Variants in HIPK1 observed in about 807,000 individuals in gnomAD.
The protein encoded by HIPK1 is homeodomain-interacting protein kinase 1.
In HIPK1, 28 loss-of-function variants were observed where a neutral mutation model predicts 117.1. The ratio of observed to expected loss-of-function variants is 0.24; its 90% CI spans 0.18 to 0.33. The LOEUF (loss-of-function observed/expected upper bound fraction) is 0.33. Ranked by LOEUF, HIPK1 falls within the 10% of genes least tolerant of loss-of-function variation. The pLI, the probability that HIPK1 is intolerant of heterozygous loss-of-function variation, is 1.00. For missense variants in HIPK1, 1,122 were observed against 1,475.1 expected (o/e 0.76, Z 3.92); for synonymous variants, 605 against 562.5 (o/e 1.08, Z -1.07).
In HIPK1 at chr1:113,970,193, C is replaced by A; in HGVS notation, c.3009C>A (p.Ala1003=). Residue 1003 remains alanine (A), a synonymous_variant, in exon 14 of 16, where the codon GCC becomes GCA. Coordinates refer to ENST00000426820, the MANE Select transcript of HIPK1 (RefSeq NM_198268.3). The part of the protein sequence containing the change: ...QLGDCTVATQ[A]SGLLSNKTKP... ...GTGACTGCACTGTAGCAACCCAGGCCTCAGGTCAGTGTTATCTTCACAGCT... is the reference window on the plus strand; with the variant it reads ...GTGACTGCACTGTAGCAACCCAGGCATCAGGTCAGTGTTATCTTCACAGCT... 1.2e-6 allele frequency: 2 copies of A among 1,614,114 alleles called. No homozygotes were observed. The highest frequency in any genetic ancestry group is 1.7e-6 in the Non-Finnish European group (2 of 1,179,994).
At chr1:113,963,930 A>G (rs575100555) in intron 10 of HIPK1, among the ~76,000 whole-genome samples, 1 of 152,220 alleles carries the variant, frequency 6.6e-6, no homozygotes, top group Non-Finnish European at 1.5e-5. Context: ...GCTCAGCTAC[A>G]GGTACCCGGA....
rs1263485615 is a variant in HIPK1 at position 113,976,649 on chromosome 1, T to A, written c.*3137T>A. 1 of 152,786 alleles carries A rather than the reference T, an allele frequency of 6.5e-6. No homozygotes were observed. Among genetic ancestry groups the A allele is most frequent in the Non-Finnish European group, 1.5e-5 (1 of 68,050 alleles). The allele number at this position is 152,786 out of a possible 1,614,324, so 9.5% of individuals were successfully genotyped here. ...AACTGGCATTTCCGATTTTCCAGCATAAAAATCCACCTGTGTCTGCTGAAT... is the reference window on the plus strand; with the variant it reads ...AACTGGCATTTCCGATTTTCCAGCAAAAAAATCCACCTGTGTCTGCTGAAT... On this transcript the variant is annotated 3_prime_UTR_variant, in exon 16 of 16. Coordinates refer to ENST00000426820, the MANE Select transcript of HIPK1 (RefSeq NM_198268.3).
intron 9 of HIPK1, among the ~76,000 whole-genome samples, chr1:113,962,865 G>A: frequency 6.6e-6 from 1 of 152,098 alleles, no homozygotes; most frequent in African/African-American, 2.4e-5. Flanking sequence ...ACAGTTGAGA[G>A]GCTGGATCAC....
Position 113,929,445 on chromosome 1 carries a change from GC to G in HIPK1, c.-87del. 1 of 1,289,382 alleles carries G rather than the reference GC, an allele frequency of 7.8e-7. No individual in the cohort carries two copies. Among genetic ancestry groups the G allele is most frequent in the African/African-American group, 1.5e-5 (1 of 65,960 alleles). The allele number at this position is 1,289,382 out of a possible 1,614,324, so 79.9% of individuals were successfully genotyped here. The stretch of plus-strand genomic sequence containing the variant: ...CGATCCACGCTGGCTCCCTACGGAG[GC>G]CCACCTACTCGAGGCCCACCGACTC... On this transcript the variant is annotated 5_prime_UTR_variant, in exon 1 of 16. Coordinates refer to ENST00000426820, the MANE Select transcript of HIPK1 (RefSeq NM_198268.3).
At chr1:113,934,929 C>T (rs1670154264) in intron 1 of HIPK1, among the ~76,000 whole-genome samples, 1 of 135,946 alleles carries the variant, frequency 7.4e-6, no homozygotes, top group Non-Finnish European at 1.5e-5. Context: ...TTCGAGGATA[C>T]AGTGAGCTGT....
In HIPK1 at chr1:113,966,207, C is replaced by A; in HGVS notation, c.2316C>A (p.Asn772Lys). 1 of 1,614,174 alleles carries A rather than the reference C, an allele frequency of 6.2e-7. No homozygotes were observed. Among genetic ancestry groups the A allele is most frequent in the Non-Finnish European group, 8.5e-7 (1 of 1,180,012 alleles). ...WQQLPGVALH[N>K]SVQPTAMIPE... The stretch of plus-strand genomic sequence containing the variant: ...AGTTGCCTGGGGTAGCTCTACACAA[C>A]TCTGTCCAGCCCACAGCAATGATTC... Residue 772 changes from asparagine (N) to lysine (K), a missense_variant, in exon 11 of 16, where the codon AAC becomes AAA. Transcript: ENST00000426820.
At chr1:113,953,019 A>G in intron 3 of HIPK1, 130 bp downstream of exon 3, 1 of 800,918 alleles carries the variant, frequency 1.2e-6, no homozygotes, top group South Asian at 5.1e-5. Flanking sequence ...ATTGCTACTA[A>G]AGAACTTTTT....
intron 13 of HIPK1, among the ~76,000 whole-genome samples, chr1:113,969,093 G>T (rs898219951): frequency 6.6e-6 from 1 of 152,228 alleles, no homozygotes; most frequent in Non-Finnish European, 1.5e-5. Context: ...GGGGCTTTTG[G>T]TGTTGGGCAT....
intron 1 of HIPK1, among the ~76,000 whole-genome samples, chr1:113,939,004 G>C (rs1670464408): frequency 6.7e-6 from 1 of 150,202 alleles, no homozygotes; most frequent in African/African-American, 2.5e-5. Context: ...AGATGTGGAG[G>C]AATAAGGGAG....
intron 1 of HIPK1, 52 bp downstream of exon 1, chr1:113,929,584 C>G: frequency 8.0e-7 from 1 of 1,246,706 alleles, no homozygotes; most frequent in Non-Finnish European, 1.0e-6. Flanking sequence ...GCGGGGCCGG[C>G]CGGGTTGAGG....
At chr1:113,957,337 G>T (rs1671791263) in intron 7 of HIPK1, 51 bp downstream of exon 7, 1 of 1,461,578 alleles carries the variant, frequency 6.8e-7, no homozygotes, top group African/African-American at 1.4e-5. Flanking sequence ...ATAGAAACTA[G>T]TAAGAATACA....
intron 2 of HIPK1, among the ~76,000 whole-genome samples, chr1:113,947,912 A>T (rs1331285425): frequency 6.6e-6 from 1 of 152,142 alleles, no homozygotes; most frequent in Admixed American, 6.5e-5. Flanking sequence ...TTTACTGCCC[A>T]GTTGTTGGAA....
chr1:113,974,775 T>C lies in HIPK1; in HGVS notation c.*1263T>C, dbSNP rs1356798425. ...TTTTAATATTTTACATAATTAAATA[T>C]GTACATATTGATTAGAAAAATATAA... On this transcript the variant is annotated 3_prime_UTR_variant, in exon 16 of 16. Coordinates refer to ENST00000426820, the MANE Select transcript of HIPK1 (RefSeq NM_198268.3). 1.3e-5 allele frequency: 2 copies of C among 152,682 alleles called. No homozygotes were observed. Among genetic ancestry groups the C allele is most frequent in the African/African-American group, 4.8e-5 (2 of 41,466 alleles). 9.5% of individuals were successfully genotyped at this position (152,682 alleles called of 1,614,324 possible).
intron 2 of HIPK1, among the ~76,000 whole-genome samples, chr1:113,944,173 T>TTG (rs897025626): frequency 1.5e-5 from 2 of 132,530 alleles, no homozygotes; most frequent in South Asian, 2.7e-4. Flanking sequence ...TTTTTTTTTT[T>TTG]TTTTTTTTTT....
In HIPK1 at chr1:113,975,682, C is replaced by T. The variant is rs1301427619; in HGVS notation, c.*2170C>T. 2 of 152,592 alleles carry T rather than the reference C, an allele frequency of 1.3e-5. No homozygotes were observed. Among genetic ancestry groups the T allele is most frequent in the East Asian group, 1.9e-4 (1 of 5,328 alleles). The allele number at this position is 152,592 out of a possible 1,614,324, so 9.5% of individuals were successfully genotyped here. ...ACTATGAGGAGAAGTTTTGTGGTGC[C>T]GCTGGTGACAAGGAACTCACAGAAA... On this transcript the variant is annotated 3_prime_UTR_variant, in exon 16 of 16. Coordinates refer to ENST00000426820, the MANE Select transcript of HIPK1 (RefSeq NM_198268.3).
In HIPK1 at chr1:113,941,284, A is replaced by G. The variant is rs746271578; in HGVS notation, c.901A>G (p.Thr301Ala). The change falls in exon 2 of 16, where the codon ACA (threonine) becomes GCA (alanine). Residue 301 changes from threonine to alanine, a missense_variant. By Grantham distance (58) the Thr-to-Ala change is moderately conservative. Transcript: ENST00000426820. This position sits in a 1 kb window ranked among gnomAD's most constrained non-coding sequence, Gnocchi z 4.9. The stretch of plus-strand genomic sequence containing the variant: ...CAGACCAATCTTGCAGCAGGTGGCC[A>G]CAGCCTTGATGAAGCTCAAGAGTCT... ...YIRPILQQVA[T>A]ALMKLKSLGL... 1.9e-6 allele frequency: 3 copies of G among 1,614,248 alleles called. No individual in the cohort carries two copies. In the East Asian group the frequency reaches 6.7e-5, roughly 36 times the overall value.
chr1:113,962,588 T>C, intron 9 of HIPK1, 150 bp downstream of exon 9: 1 of 682,556 alleles, frequency 1.5e-6, no homozygotes, highest in Non-Finnish European at 2.3e-6. Context: ...TATGGAACAA[T>C]ATACTAATTC....
chr1:113,940,256 G>T, intron 1 of HIPK1, 126 bp from the exon 2 acceptor site: 1 of 879,252 alleles, frequency 1.1e-6, no homozygotes. Context: ...TTTTTGAGAA[G>T]AGGAGAACAT....
chr1:113,956,476 G>A, intron 5 of HIPK1, 151 bp from the exon 6 acceptor site: 1 of 500,364 alleles, frequency 2.0e-6, no homozygotes. Flanking sequence ...TTCCTCCTCT[G>A]AAAATGATTA....
Sources: allele counts gnomAD v4.1 joint callset (sites outside exome capture counted in the v4.1 genomes callset), GRCh38; gene constraint gnomAD v4.1.1; non-coding constraint Gnocchi (gnomAD v3.1); transcripts MANE v1.5; gene names NCBI Gene and HGNC (gene_info 2026-07-23, HGNC 2026-07-21).